Variants in CDH24 observed in about 807,000 individuals in gnomAD.
CDH24 encodes the protein cadherin 24.
A neutral mutation model predicts 71.2 loss-of-function variants in CDH24; 61 were observed. That is an observed-to-expected ratio of 0.86 (90% CI 0.70 to 1.06). CDH24 has a LOEUF of 1.06. Ranked by LOEUF, CDH24 falls within the 50% of genes least tolerant of loss-of-function variation. The pLI, the probability that CDH24 is intolerant of heterozygous loss-of-function variation, is 0.00. For missense variants in CDH24, 961 were observed against 1,083.7 expected, an observed-to-expected ratio of 0.89 and a Z score of 1.59; for synonymous variants, 440 against 470.2, an observed-to-expected ratio of 0.94 and a Z score of 0.83.
rs1294527357 is a variant in CDH24, at chr14:23,053,585, G to A, written c.1137C>T (p.Tyr379=). The change falls in exon 7 of 13, where the codon TAC becomes TAT. Residue 379 remains tyrosine (Y), a synonymous_variant. Coordinates refer to ENST00000487137, the MANE Select transcript of CDH24 (RefSeq NM_144985.4). The stretch of plus-strand genomic sequence containing the variant: ...CCTTGTTCTCAGGCACTGTCAGGTG[G>A]TAGGCAGCCTGGGTGAAGGCAGGTG... The part of the protein sequence containing the change: ...PEPPAFTQAA[Y]HLTVPENKAP... 6.2e-7 allele frequency: 1 copy of A among 1,613,094 alleles called. No individual in the cohort carries two copies.
chr14:23,054,303 C>T lies in CDH24; in HGVS notation c.810G>A (p.Glu270=). The T allele has an allele frequency of 6.2e-7, 1 of 1,607,820 alleles. No individual in the cohort carries two copies. The highest frequency in any genetic ancestry group is 2.2e-5 in the East Asian group (1 of 44,760). The change falls in exon 6 of 13, where the codon GAG becomes GAA. Residue 270 remains glutamate, a synonymous_variant. Transcript: ENST00000487137. This position sits in a 1 kb window ranked among gnomAD's most constrained non-coding sequence, Gnocchi z 5.2. ...PQSLYQFSVV[E]TAGPGTLVGR... is the part of the protein sequence containing the mutation. ...CCACCAGTGTGCCAGGTCCAGCTGTCTCCACCACGGAGAACTGGTATAGGC... is the reference window on the plus strand; with the variant it reads ...CCACCAGTGTGCCAGGTCCAGCTGTTTCCACCACGGAGAACTGGTATAGGC...
chr14:23,047,967 C>A lies in CDH24; in HGVS notation c.*13G>T, dbSNP rs1307942289. On this transcript the variant is annotated 3_prime_UTR_variant, in exon 12 of 13. Transcript: ENST00000487137. ...TGCCCCCCCCCCGCGGTGGGCCGGGCCAGCCCGGGCGCTCAGGGGGCCGGG... is the reference window on the plus strand; with the variant it reads ...TGCCCCCCCCCCGCGGTGGGCCGGGACAGCCCGGGCGCTCAGGGGGCCGGG... The A allele has an allele frequency of 8.4e-6, 11 of 1,314,312 alleles. No homozygotes were observed. The highest frequency in any genetic ancestry group is 8.7e-6 in the Non-Finnish European group (9 of 1,037,010). 81.4% of individuals were successfully genotyped at this position (1,314,312 alleles called of 1,614,324 possible). A position where few individuals can be genotyped will look rare whatever the true frequency, so the allele number is the denominator to read the frequency against.
rs560010040 is a variant in CDH24, at chr14:23,054,928, T to TC, written c.497-63_497-62insG. On this transcript the variant is annotated intron_variant, in intron 3 of 12. Coordinates refer to ENST00000487137, the MANE Select transcript of CDH24 (RefSeq NM_144985.4). This position sits in a 1 kb window ranked among gnomAD's most constrained non-coding sequence, Gnocchi z 5.2. ...GGGAAGGATGGGGAAGAACAACCGATGGGGGGGGATGCAGATACGAGGGAG... is the reference window on the plus strand; with the variant it reads ...GGGAAGGATGGGGAAGAACAACCGATCGGGGGGGGATGCAGATACGAGGGAG... 15 of 1,576,210 alleles carry TC rather than the reference T, an allele frequency of 9.5e-6. No individual in the cohort carries two copies. The Admixed American group carries it at 1.5e-4, about 16-fold the overall frequency.
rs2047048476 is a variant in CDH24 at position 23,047,344 on chromosome 14, A to AT, written c.*549dup. ...GTGGAGCCAGGATGAGGCTGAGGCC[A>AT]TGAGTAATGGATGGAACCATGCAGG... is the stretch of plus-strand genomic sequence containing the variant. On this transcript the variant is annotated 3_prime_UTR_variant, in exon 13 of 13. Coordinates refer to ENST00000487137, the MANE Select transcript of CDH24 (RefSeq NM_144985.4). 6.6e-6 allele frequency: 1 copy of AT among 152,526 alleles called. No individual in the cohort carries two copies. Among genetic ancestry groups the AT allele is most frequent in the South Asian group, 2.1e-4 (1 of 4,838 alleles). The allele number at this position is 152,526 out of a possible 1,614,324, so 9.4% of individuals were successfully genotyped here.
intron 1 of CDH24, among the ~76,000 whole-genome samples, chr14:23,056,250 G>T (rs967211916): frequency 2.0e-5 from 3 of 152,246 alleles, no homozygotes; most frequent in African/African-American, 7.2e-5. Context: ...GCCTTAAGGT[G>T]TCTAGGGTCA....
In CDH24 at chr14:23,054,174, C is replaced by A. The variant is rs2047106587; in HGVS notation, c.939G>T (p.Leu313Phe). 7 of 1,610,646 alleles carry A rather than the reference C, an allele frequency of 4.3e-6. No homozygotes were observed. The highest frequency in any genetic ancestry group is 5.9e-6 in the Non-Finnish European group (7 of 1,178,210). The change falls in exon 6 of 13, where the codon TTG (leucine) becomes TTT (phenylalanine). Residue 313 changes from leucine to phenylalanine, a missense_variant. Leu to Phe is a conservative substitution (Grantham distance 22). Around this residue, in one of 2 missense-constraint regions of CDH24, gnomAD observed 671 missense variants for 810.9 expected, o/e 0.83. Transcript: ENST00000487137. This position sits in a 1 kb window ranked among gnomAD's most constrained non-coding sequence, Gnocchi z 5.2. ...CAGTGAGGAGCCCGTCTCGACCCTG[C>A]AAGTCTGTGCTGATGCTGAAGGCCT... Reference protein sequence around the residue: ...GSEAFSISTDLQGRDGLLTVR... With the variant: ...GSEAFSISTDFQGRDGLLTVR...
rs547227333 is a variant in CDH24, at chr14:23,051,821, T to G, written c.1363+652A>C. 3.6e-6 allele frequency: 2 copies of G among 550,480 alleles called. No individual in the cohort carries two copies. The highest frequency in any genetic ancestry group is 4.6e-4 in the Middle Eastern group (1 of 2,174). The allele number at this position is 550,480 out of a possible 1,614,324, so 34.1% of individuals were successfully genotyped here. On this transcript the variant is annotated intron_variant, in intron 8 of 12. Coordinates refer to ENST00000487137, the MANE Select transcript of CDH24 (RefSeq NM_144985.4). This position sits in a 1 kb window ranked among gnomAD's most constrained non-coding sequence, Gnocchi z 4.4. ...AGGCATAAGCAGGGGTATAAGGGAC[T>G]ATTCACAGAAGATCGGGAGGGAGGT...
Position 23,055,073 on chromosome 14 carries a change from T to TC in CDH24, c.481dup (p.Glu161GlyfsTer18). On this transcript the variant is annotated frameshift_variant, in exon 3 of 13. Transcript: ENST00000487137. LOFTEE classifies it high-confidence loss of function. This position sits in a 1 kb window ranked among gnomAD's most constrained non-coding sequence, Gnocchi z 4.1. ...GGGGTGCTCACCGACATTGGACATC[T>TC]CGGGCACGGTGGCATGGTAGGGCCC... 6.2e-7 allele frequency: 1 copy of TC among 1,611,348 alleles called. No homozygotes were observed. The highest frequency in any genetic ancestry group is 8.5e-7 in the Non-Finnish European group (1 of 1,177,896).
Position 23,048,243 on chromosome 14 carries a change from T to C in CDH24, c.2083A>G (p.Arg695Gly). The C allele has an allele frequency of 1.5e-6, 2 of 1,365,044 alleles. No individual in the cohort carries two copies. The highest frequency in any genetic ancestry group is 1.9e-6 in the Non-Finnish European group (2 of 1,064,644). The allele number at this position is 1,365,044 out of a possible 1,614,324, so 84.6% of individuals were successfully genotyped here. ...LPRARVSRQPRPPGPADVAQL... is the reference protein window; with the variant it reads ...LPRARVSRQPGPPGPADVAQL... Reference sequence around the variant, plus strand: ...GCCACGTCGGCGGGGCCGGGGGGTCTGGGCTGGCGCGACACCCGGGCCCGG... The same window carrying C: ...GCCACGTCGGCGGGGCCGGGGGGTCCGGGCTGGCGCGACACCCGGGCCCGG... The change falls in exon 12 of 13, where the codon AGA becomes GGA. Residue 695 changes from arginine to glycine, a missense_variant. Around this residue, in one of 2 missense-constraint regions of CDH24, gnomAD observed 290 missense variants for 272.8 expected, o/e 1.06. Transcript: ENST00000487137.
At chr14:23,052,128 T>A in intron 8 of CDH24, 2 of 1,072,718 alleles carry the variant, frequency 1.9e-6, no homozygotes, top group Non-Finnish European at 2.8e-6. Flanking sequence ...GTACACAGGT[T>A]GGGGGCTATG....
At chr14:23,049,479 CA>C (rs1464857312) in intron 10 of CDH24, 147 bp downstream of exon 10, 1 of 680,486 alleles carries the variant, frequency 1.5e-6, no homozygotes, top group African/African-American at 1.8e-5. Flanking sequence ...TACAAAGAGC[CA>C]ACGAATGAGT....
Position 23,048,277 on chromosome 14 carries a change from G to C in CDH24, c.2049C>G (p.Asp683Glu). The C allele has an allele frequency of 6.4e-7, 1 of 1,564,800 alleles. No individual in the cohort carries two copies. Among genetic ancestry groups the C allele is most frequent in the South Asian group, 1.1e-5 (1 of 87,850 alleles). Residue 683 changes from aspartate to glutamate, a missense_variant, in exon 12 of 13, where the codon GAC (aspartate) becomes GAG (glutamate). Coordinates refer to ENST00000487137, the MANE Select transcript of CDH24 (RefSeq NM_144985.4). The part of the protein sequence containing the change: ...PPAPGPPARR[D>E]VLPRARVSRQ... Reference sequence around the variant, plus strand: ...GCGACACCCGGGCCCGGGGCAACACGTCTCGGCGCGCGGGAGGGCCGGGCG... The same window carrying C: ...GCGACACCCGGGCCCGGGGCAACACCTCTCGGCGCGCGGGAGGGCCGGGCG...
chr14:23,050,048 C>A (rs2047074727), intron 8 of CDH24, 105 bp from the exon 9 acceptor site: 5 of 1,438,964 alleles, frequency 3.5e-6, no homozygotes, highest in South Asian at 1.3e-5. Flanking sequence ...ATATAGCATG[C>A]ACAAGAAACA....
chr14:23,047,992 G>A lies in CDH24; in HGVS notation c.2334C>T (p.Pro778=). ...TLAELYGAKE[P]PAP is the part of the protein sequence containing the mutation. The stretch of plus-strand genomic sequence containing the variant: ...CCAGCCCGGGCGCTCAGGGGGCCGG[G>A]GGCTCCTTGGCCCCATACAGCTCGG... Residue 778 remains proline, a synonymous_variant, in exon 12 of 13, where the codon CCC becomes CCT. Coordinates refer to ENST00000487137, the MANE Select transcript of CDH24 (RefSeq NM_144985.4). The A allele has an allele frequency of 7.3e-7, 1 of 1,370,792 alleles. No homozygotes were observed. Among genetic ancestry groups the A allele is most frequent in the Non-Finnish European group, 9.4e-7 (1 of 1,066,680 alleles). The allele number at this position is 1,370,792 out of a possible 1,614,324, so 84.9% of individuals were successfully genotyped here.
At position 23,048,490 on chromosome 14, in the gene CDH24, G is replaced by C. The variant is rs1404986236; in HGVS notation, c.1847-11C>G. ...AGAGCACCACCAGGGCTGCGCGAGA[G>C]GCGCGCACACAGGCCCTGAGCCAGC... On this transcript the variant is annotated splice_polypyrimidine_tract_variant and intron_variant, in intron 11 of 12. Coordinates refer to ENST00000487137, the MANE Select transcript of CDH24 (RefSeq NM_144985.4). 6.2e-7 allele frequency: 1 copy of C among 1,602,100 alleles called. No homozygotes were observed. The highest frequency in any genetic ancestry group is 1.3e-5 in the African/African-American group (1 of 74,780).
At chr14:23,049,774 G>C in intron 9 of CDH24, 36 bp from the exon 10 acceptor site, 1 of 1,612,526 alleles carries the variant, frequency 6.2e-7, no homozygotes, top group Non-Finnish European at 8.5e-7. Flanking sequence ...GTATGGAGTG[G>C]GCTGCTGGAG....
Position 23,055,048 on chromosome 14 carries a change from G to C in CDH24, c.496+11C>G. On this transcript the variant is annotated intron_variant, in intron 3 of 12. Transcript: ENST00000487137. This position sits in a 1 kb window ranked among gnomAD's most constrained non-coding sequence, Gnocchi z 4.1. Reference sequence around the variant, plus strand: ...GACGGGAACTGGGGCATTCAGAGCTGGGGTGCTCACCGACATTGGACATCT... The same window carrying C: ...GACGGGAACTGGGGCATTCAGAGCTCGGGTGCTCACCGACATTGGACATCT... The C allele has an allele frequency of 1.2e-6, 2 of 1,606,556 alleles. No individual in the cohort carries two copies. The highest frequency in any genetic ancestry group is 1.7e-6 in the Non-Finnish European group (2 of 1,174,300).
In CDH24 at chr14:23,049,701, A is replaced by C. The variant is rs977491107; in HGVS notation, c.1523T>G (p.Val508Gly). The C allele has an allele frequency of 6.2e-7, 1 of 1,612,164 alleles. No individual in the cohort carries two copies. The highest frequency in any genetic ancestry group is 1.7e-5 in the Admixed American group (1 of 59,892). ...QVIRALDRDEVGNSSHVSFQG... is the reference protein window; with the variant it reads ...QVIRALDRDEGGNSSHVSFQG... ...AAAGGAGACATGGCTACTGTTGCCA[A>C]CTTCATCTCTGTCCAGGGCCCGGAT... The change falls in exon 10 of 13, where the codon GTT becomes GGT. Residue 508 changes from valine (V) to glycine (G), a missense_variant. Physicochemically the swap from Val to Gly is moderately radical, Grantham distance 109. This residue lies in a region of CDH24 where 671 missense variants were observed against 810.9 expected (regional missense o/e 0.83). Coordinates refer to ENST00000487137, the MANE Select transcript of CDH24 (RefSeq NM_144985.4).
At position 23,051,224 on chromosome 14, in the gene CDH24, C is replaced by T. The variant is rs1290272426; in HGVS notation, c.1363+1249G>A. On this transcript the variant is annotated intron_variant, in intron 8 of 12. Transcript: ENST00000487137. This position sits in a 1 kb window ranked among gnomAD's most constrained non-coding sequence, Gnocchi z 4.4. ...ATAAACCTAGACACATAGCATTAAA[C>T]ACATTTGAGAGGCAGTACGGTGGGG... 6.6e-6 allele frequency among the ~76,000 whole-genome samples: 1 copy of T among 152,170 alleles called. No homozygotes were observed. Among genetic ancestry groups the T allele is most frequent in the East Asian group, 1.9e-4 (1 of 5,196 alleles).
Sources: allele counts gnomAD v4.1 joint callset (sites outside exome capture counted in the v4.1 genomes callset), GRCh38; gene constraint gnomAD v4.1.1; regional missense constraint gnomAD v4.1.1; non-coding constraint Gnocchi (gnomAD v3.1); transcripts MANE v1.5; gene names NCBI Gene and HGNC (gene_info 2026-07-23, HGNC 2026-07-21).